CHIC2: variants seen among roughly 807,000 people sequenced by gnomAD.
CHIC2 encodes cysteine rich hydrophobic domain 2.
In CHIC2, 14 loss-of-function variants were observed where a neutral mutation model predicts 25.9. The ratio of observed to expected loss-of-function variants is 0.54; its 90% CI spans 0.36 to 0.85. The LOEUF is 0.85. Ranked by LOEUF, CHIC2 falls within the 40% of genes least tolerant of loss-of-function variation. The pLI is 0.01. For missense variants in CHIC2, 146 were observed against 202.0 expected, an observed-to-expected ratio of 0.72 and a Z score of 1.68; for synonymous variants, 70 against 72.0, an observed-to-expected ratio of 0.97 and a Z score of 0.14.
chr4:54,065,845 C>A (rs959227417), upstream of CHIC2, among the ~76,000 whole-genome samples: 3 of 152,116 alleles, frequency 2.0e-5, no homozygotes, highest in African/African-American at 4.8e-5. Context: ...GAGATGCCAA[C>A]CTCCTTTTGG....
the CHIC2 span, among the ~76,000 whole-genome samples, chr4:54,072,565 G>A: frequency 6.6e-6 from 1 of 152,040 alleles, no homozygotes; most frequent in Non-Finnish European, 1.5e-5. Context: ...ATAGTATATT[G>A]AGCATATACA....
At chr4:54,087,419 A>C in the CHIC2 span, 5 of 588,434 alleles carry the variant, frequency 8.5e-6, no homozygotes, top group Non-Finnish European at 1.4e-5. Context: ...AAATTGTAAA[A>C]CATCGCAGGG....
intron 3 of CHIC2, among the ~76,000 whole-genome samples, chr4:54,014,547 T>C (rs1715686803): frequency 6.6e-6 from 1 of 152,146 alleles, no homozygotes; most frequent in Non-Finnish European, 1.5e-5. Flanking sequence ...AATTGGAATA[T>C]TAAAAAAATC....
the CHIC2 span, among the ~76,000 whole-genome samples, chr4:54,083,306 C>T: frequency 3.9e-5 from 6 of 152,090 alleles, no homozygotes; most frequent in East Asian, 1.9e-4. Flanking sequence ...TGAGCCACCA[C>T]GCCCAACTCC....
chr4:54,040,654 G>T (rs1391017645), intron 3 of CHIC2, among the ~76,000 whole-genome samples: 2 of 139,200 alleles, frequency 1.4e-5, no homozygotes, highest in African/African-American at 5.4e-5. Flanking sequence ...TGAGCTGAGA[G>T]ACCACACCAC....
chr4:54,029,753 C>G (rs1263966726), intron 3 of CHIC2, among the ~76,000 whole-genome samples: 1 of 152,156 alleles, frequency 6.6e-6, no homozygotes, highest in Non-Finnish European at 1.5e-5. Context: ...TAAATCAGTT[C>G]TGAAAGTTTT....
the CHIC2 span, chr4:54,086,998 A>G: frequency 1.0e-6 from 1 of 964,284 alleles, no homozygotes; most frequent in Non-Finnish European, 1.6e-6. Flanking sequence ...CAAAAAACCA[A>G]CTAGAAGCAA....
the CHIC2 span, among the ~76,000 whole-genome samples, chr4:54,069,840 T>G: frequency 6.6e-6 from 1 of 152,212 alleles, no homozygotes; most frequent in Non-Finnish European, 1.5e-5. Flanking sequence ...AAATTTGCAT[T>G]GAATGCTTCT....
chr4:54,053,422 G>C (rs1427676223), intron 1 of CHIC2, among the ~76,000 whole-genome samples: 1 of 152,122 alleles, frequency 6.6e-6, no homozygotes, highest in Admixed American at 6.5e-5. Context: ...TGGATGTGGT[G>C]GTGGGCACCT....
intron 3 of CHIC2, among the ~76,000 whole-genome samples, chr4:54,037,845 A>G (rs1716442413): frequency 6.6e-6 from 1 of 152,136 alleles, no homozygotes; most frequent in Non-Finnish European, 1.5e-5. Flanking sequence ...CTTTGAACCA[A>G]AAGAAAACAA....
At chr4:54,022,124 C>T (rs530180025) in intron 3 of CHIC2, among the ~76,000 whole-genome samples, 4 of 152,084 alleles carry the variant, frequency 2.6e-5, no homozygotes, top group Non-Finnish European at 4.4e-5. Flanking sequence ...CCCTGCAGCC[C>T]GGGATTCCTC....
Position 54,009,954 on chromosome 4 carries a change from TA to T in CHIC2, c.*140del, listed in dbSNP as rs34881525. 5.1e-4 allele frequency: 206 copies of T among 400,558 alleles called. 1 individual carries two copies. The highest frequency in any genetic ancestry group is 9.8e-4 in the Admixed American group (20 of 20,510). The allele number at this position is 400,558 out of a possible 1,614,324, so 24.8% of individuals were successfully genotyped here. ...TGCACACTTAGAACATGCGGTTATT[TA>T]AAAAAAAAACAAAAACAAAAACAAA... On this transcript the variant is annotated 3_prime_UTR_variant, in exon 6 of 6. Coordinates refer to ENST00000263921, the MANE Select transcript of CHIC2 (RefSeq NM_012110.4).
rs1351721806 is a variant in CHIC2, at chr4:54,016,294, TAAG to T, written c.331-2178_331-2176del. On this transcript the variant is annotated intron_variant, in intron 3 of 5. Transcript: ENST00000263921. Reference sequence around the variant, plus strand: ...TCAGAAGTTTAAACCCATGCTATAATAAGAATAGATCTCATTATGATATATAGA... The same window carrying T: ...TCAGAAGTTTAAACCCATGCTATAATAATAGATCTCATTATGATATATAGA... Among the ~76,000 whole-genome samples the T allele has an allele frequency of 2.7e-4, 41 of 151,928 alleles. No individual in the cohort carries two copies. In the South Asian group the frequency reaches 8.5e-3, roughly 31 times the overall value.
chr4:54,068,167 G>A (rs548376508), upstream of CHIC2, among the ~76,000 whole-genome samples: 1 of 152,218 alleles, frequency 6.6e-6, no homozygotes, highest in African/African-American at 2.4e-5. Flanking sequence ...ATCAGGAACT[G>A]TGAGCTAAAT....
chr4:54,091,142 G>A, the CHIC2 span, among the ~76,000 whole-genome samples: 1 of 152,136 alleles, frequency 6.6e-6, no homozygotes, highest in Admixed American at 6.5e-5. Flanking sequence ...AGGCAATACT[G>A]CCAGAGCCCC....
the CHIC2 span, among the ~76,000 whole-genome samples, chr4:54,081,860 C>T: frequency 6.6e-6 from 1 of 152,128 alleles, no homozygotes; most frequent in African/African-American, 2.4e-5. Context: ...TAGCACCCAG[C>T]CTAAGTTTTT....
intron 3 of CHIC2, among the ~76,000 whole-genome samples, chr4:54,024,210 T>A (rs1258174821): frequency 6.6e-6 from 1 of 152,180 alleles, no homozygotes; most frequent in Non-Finnish European, 1.5e-5. Flanking sequence ...CCCATTCTAT[T>A]CTGTCGTCAT....
chr4:54,077,780 A>C, the CHIC2 span, among the ~76,000 whole-genome samples: 1 of 152,190 alleles, frequency 6.6e-6, no homozygotes, highest in Non-Finnish European at 1.5e-5. Context: ...TTTCTATAGC[A>C]GCCCTCCTGC....
intron 3 of CHIC2, among the ~76,000 whole-genome samples, chr4:54,016,647 A>T (rs990868540): frequency 2.0e-5 from 3 of 152,126 alleles, no homozygotes; most frequent in African/African-American, 7.2e-5. Flanking sequence ...ATTTTGCTAT[A>T]AGACTTCTTT....
Sources: gnomAD v4.1 joint callset for allele counts (sites outside exome capture counted in the v4.1 genomes callset) on GRCh38, gnomAD v4.1.1 for gene constraint, MANE v1.5 for transcripts, NCBI Gene and HGNC (gene_info 2026-07-23, HGNC 2026-07-21) for gene names.